The following CDH9 variants were observed in gnomAD, a reference collection of about 807,000 sequenced individuals.
CDH9 encodes the protein cadherin-9.
CDH9 carries 28 observed loss-of-function variants against 70.9 expected under a neutral mutation model. The ratio of observed to expected loss-of-function variants is 0.40; its 90% confidence interval spans 0.29 to 0.54. The LOEUF is 0.54. CDH9 is among the 20% of genes least tolerant of loss of function. The probability of loss-of-function intolerance (pLI) is 0.59; values close to 1 mark genes in which losing one functional copy is unlikely to be tolerated. For missense variants in CDH9, 874 were observed against 984.4 expected (o/e 0.89, Z 1.50); for synonymous variants, 409 against 343.1 (o/e 1.19, Z -2.12).
chr5:26,999,866 G>A (rs918800846), intron 1 of CDH9, among the ~76,000 whole-genome samples: 1 of 152,036 alleles, frequency 6.6e-6, no homozygotes, highest in African/African-American at 2.4e-5. Flanking sequence ...TTATGATGCA[G>A]ATAAAAATAT....
At chr5:26,945,051 C>A (rs971473539) in intron 2 of CDH9, among the ~76,000 whole-genome samples, 4 of 152,040 alleles carry the variant, frequency 2.6e-5, no homozygotes, top group Non-Finnish European at 5.9e-5. Flanking sequence ...TTTAGAGTTG[C>A]CATCTCATGT....
intron 1 of CDH9, among the ~76,000 whole-genome samples, chr5:27,030,362 A>T (rs896690281): frequency 2.0e-5 from 3 of 151,594 alleles, no homozygotes; most frequent in Non-Finnish European, 4.4e-5. Context: ...TTTTTTAGCA[A>T]TTAACTGAAT....
At chr5:27,021,635 A>C (rs1743140027) in intron 1 of CDH9, among the ~76,000 whole-genome samples, 1 of 151,886 alleles carries the variant, frequency 6.6e-6, no homozygotes, top group South Asian at 2.1e-4. Context: ...TAACGTCAAC[A>C]ATATCATTGG....
At chr5:27,024,989 T>C (rs904021742) in intron 1 of CDH9, among the ~76,000 whole-genome samples, 6 of 152,064 alleles carry the variant, frequency 3.9e-5, no homozygotes. Context: ...AAAAAAATAA[T>C]AATTTAGCAA....
At chr5:26,965,628 A>G (rs1742116891) in intron 2 of CDH9, among the ~76,000 whole-genome samples, 1 of 150,382 alleles carries the variant, frequency 6.6e-6, no homozygotes. Flanking sequence ...ACAGCTGGTG[A>G]TACATTTATG....
intron 7 of CDH9, among the ~76,000 whole-genome samples, chr5:26,898,932 A>C (rs1329651119): frequency 6.6e-6 from 1 of 152,098 alleles, no homozygotes; most frequent in Non-Finnish European, 1.5e-5. Flanking sequence ...TCTGACAAAG[A>C]GCTAATATCC....
intron 1 of CDH9, among the ~76,000 whole-genome samples, chr5:27,024,138 A>G (rs1299867870): frequency 2.0e-5 from 3 of 152,032 alleles, no homozygotes; most frequent in Non-Finnish European, 2.9e-5. Flanking sequence ...CCCTATTTTT[A>G]TTAATGATGA....
At chr5:26,920,096 C>T (rs1308290245) in intron 2 of CDH9, among the ~76,000 whole-genome samples, 4 of 152,000 alleles carry the variant, frequency 2.6e-5, no homozygotes, top group South Asian at 2.1e-4. Context: ...AATTATGGGC[C>T]TTGGCTCTTG....
intron 6 of CDH9, chr5:26,903,229 C>G (rs1035770694): frequency 9.6e-6 from 3 of 311,198 alleles, no homozygotes; most frequent in Non-Finnish European, 1.8e-5. Context: ...TCCCACATTG[C>G]ATTGAAAATC....
chr5:26,925,556 A>G (rs1741322433), intron 2 of CDH9, among the ~76,000 whole-genome samples: 1 of 152,114 alleles, frequency 6.6e-6, no homozygotes, highest in African/African-American at 2.4e-5. Context: ...TAGTTTAATT[A>G]GATCCCATTT....
At chr5:26,992,276 T>C (rs2112095982) in intron 1 of CDH9, among the ~76,000 whole-genome samples, 1 of 152,196 alleles carries the variant, frequency 6.6e-6, no homozygotes, top group Admixed American at 6.5e-5. Context: ...GACTGGGGGT[T>C]GGGGGGCCCT....
At chr5:26,932,986 AGAT>A (rs1472861182) in intron 2 of CDH9, among the ~76,000 whole-genome samples, 2 of 28 alleles carry the variant, frequency 0.071, no homozygotes, top group Admixed American at 0.5. Flanking sequence ...ATAATTATAT[AGAT>A]AAAATTTAGA....
In CDH9 at chr5:26,909,643, G is replaced by A. The variant is rs114994951; in HGVS notation, c.524-2805C>T. ...GCTGGTGCGCTGCACCCACTAACTC[G>A]TCATCTAGTATTCGCGAGACCATTA... On this transcript the variant is annotated intron_variant, in intron 3 of 11. Transcript: ENST00000231021. 7.6e-3 allele frequency among the ~76,000 whole-genome samples: 1,141 copies of A among 150,072 alleles called. 10 individuals carry two copies. Among genetic ancestry groups the A allele is most frequent in the Non-Finnish European group, 0.012 (788 of 67,688 alleles).
At chr5:26,983,962 C>T (rs1046406165) in intron 2 of CDH9, among the ~76,000 whole-genome samples, 6 of 152,014 alleles carry the variant, frequency 3.9e-5, no homozygotes, top group Non-Finnish European at 5.9e-5. Flanking sequence ...CATATGTAAA[C>T]GTGAAAGTGT....
At chr5:26,927,951 C>T (rs1741373669) in intron 2 of CDH9, among the ~76,000 whole-genome samples, 1 of 152,048 alleles carries the variant, frequency 6.6e-6, no homozygotes. Context: ...TAGTGGCTGT[C>T]ATCGCCTTAT....
chr5:26,883,176 C>T (rs1740501923), intron 11 of CDH9, among the ~76,000 whole-genome samples: 1 of 146,760 alleles, frequency 6.8e-6, no homozygotes, highest in Non-Finnish European at 1.5e-5. Flanking sequence ...ATAGATCTGA[C>T]ATCTATCAAA....
chr5:26,989,536 T>C (rs977536606), intron 1 of CDH9, among the ~76,000 whole-genome samples: 117 of 116,960 alleles, frequency 1.0e-3, no homozygotes, highest in African/African-American at 3.8e-3. Flanking sequence ...CTCTCTCTCT[T>C]TCTCTCTCTT....
intron 1 of CDH9, among the ~76,000 whole-genome samples, chr5:27,011,821 G>A (rs1742964259): frequency 6.6e-6 from 1 of 151,916 alleles, no homozygotes; most frequent in South Asian, 2.1e-4. Context: ...GTGCTACTTA[G>A]TAGTTGTGTA....
At chr5:26,959,943 T>G (rs1191129446) in intron 2 of CDH9, among the ~76,000 whole-genome samples, 1 of 152,082 alleles carries the variant, frequency 6.6e-6, no homozygotes, top group East Asian at 1.9e-4. Flanking sequence ...AAATAAATAG[T>G]GGTGTAAGTT....
Sources: allele counts gnomAD v4.1 joint callset (sites outside exome capture counted in the v4.1 genomes callset), GRCh38; gene constraint gnomAD v4.1.1; transcripts MANE v1.5; gene names NCBI Gene and HGNC (gene_info 2026-07-23, HGNC 2026-07-21).